The following WDR25 variants were observed in gnomAD, a reference collection of about 807,000 sequenced individuals.
WDR25 encodes the protein WD repeat domain 25, also known as WD repeat-containing protein 25.
WDR25 carries 35 observed loss-of-function variants against 47.7 expected under a neutral mutation model. The observed-to-expected ratio is 0.73, with a 90% CI of 0.56 to 0.97. WDR25 has a LOEUF of 0.97. Ranked by LOEUF, WDR25 falls within the 50% of genes least tolerant of loss-of-function variation. The pLI is 0.00. For missense variants in WDR25, 634 were observed against 704.7 expected, an observed-to-expected ratio of 0.90 and a Z score of 1.14; for synonymous variants, 248 against 278.9, an observed-to-expected ratio of 0.89 and a Z score of 1.10.
chr14:100,458,551 C>T (rs184221691), intron 2 of WDR25, among the ~76,000 whole-genome samples: 1 of 152,212 alleles, frequency 6.6e-6, no homozygotes, highest in East Asian at 1.9e-4. Flanking sequence ...AACACTGTCA[C>T]CCAATTTGGC....
At chr14:100,422,273 A>G (rs1411956442) in intron 2 of WDR25, among the ~76,000 whole-genome samples, 1 of 152,156 alleles carries the variant, frequency 6.6e-6, no homozygotes, top group Non-Finnish European at 1.5e-5. Context: ...CTGGAGTATT[A>G]CATGTGGCCT....
At chr14:100,527,603 TTG>T (rs565238911) in intron 5 of WDR25, among the ~76,000 whole-genome samples, 130 of 152,326 alleles carry the variant, frequency 8.5e-4, no homozygotes, top group African/African-American at 3.1e-3. Context: ...GGACAGGCCC[TTG>T]TGGGGAGCTG....
chr14:100,492,246 C>T (rs1030605127), intron 4 of WDR25, among the ~76,000 whole-genome samples: 2 of 152,218 alleles, frequency 1.3e-5, no homozygotes, highest in African/African-American at 4.8e-5. Context: ...TGTGTGTTCC[C>T]TGGGTTGTCT....
At chr14:100,442,670 A>G (rs919922975) in intron 2 of WDR25, among the ~76,000 whole-genome samples, 3 of 152,186 alleles carry the variant, frequency 2.0e-5, no homozygotes, top group Non-Finnish European at 2.9e-5. Flanking sequence ...TAATAAAAGT[A>G]TGCAGTTTGT....
In WDR25 at chr14:100,483,929, GTT is replaced by G. The variant is rs1461208264; in HGVS notation, c.971-62_971-61del. 7 of 1,538,156 alleles carry G rather than the reference GTT, an allele frequency of 4.6e-6. No individual in the cohort carries two copies. The African/African-American group carries it at 8.3e-5, about 18-fold the overall frequency. Reference sequence around the variant, plus strand: ...GAGCCCCATACCAGATGGCATCTTAGTTTTAAGATATTTGTTTTGTGACCTAA... The same window carrying G: ...GAGCCCCATACCAGATGGCATCTTAGTTAAGATATTTGTTTTGTGACCTAA... On this transcript the variant is annotated intron_variant, in intron 3 of 6. Coordinates refer to ENST00000402312, the MANE Select transcript of WDR25 (RefSeq NM_001161476.3).
chr14:100,447,626 G>A (rs973719866), intron 2 of WDR25, among the ~76,000 whole-genome samples: 1 of 152,318 alleles, frequency 6.6e-6, no homozygotes, highest in South Asian at 2.1e-4. Flanking sequence ...GACATGGTGA[G>A]GTGGGTGGTA....
chr14:100,467,698 C>G (rs1242517818), intron 2 of WDR25, among the ~76,000 whole-genome samples: 3 of 152,004 alleles, frequency 2.0e-5, no homozygotes, highest in African/African-American at 4.8e-5. Flanking sequence ...GTTGCCTGGG[C>G]TGGTCTTGAA....
intron 2 of WDR25, among the ~76,000 whole-genome samples, chr14:100,412,333 T>C (rs541570619): frequency 1.3e-5 from 2 of 152,078 alleles, no homozygotes; most frequent in Non-Finnish European, 2.9e-5. Context: ...CTGAGGGCAG[T>C]GCTCGGTATT....
rs775907535 is a variant in WDR25 at position 100,529,883 on chromosome 14, G to A, written c.1477G>A (p.Ala493Thr). Residue 493 changes from alanine (A) to threonine (T), a missense_variant, in exon 7 of 7, where the codon GCC becomes ACC. Physicochemically the swap from Ala to Thr is moderately conservative, Grantham distance 58. Coordinates refer to ENST00000402312, the MANE Select transcript of WDR25 (RefSeq NM_001161476.3). The surrounding 1 kb of genome is among the most constrained non-coding windows in gnomAD (Gnocchi z 5.1). ...CGGTGACTTGCTGGTGACGGGCAGC[G>A]CCGATGGCCGGGTCCTGATGTACAG... ...PGGDLLVTGS[A>T]DGRVLMYSFR... The A allele has an allele frequency of 1.6e-5, 26 of 1,613,138 alleles. No individual in the cohort carries two copies. The highest frequency in any genetic ancestry group is 3.3e-4 in the Middle Eastern group (2 of 6,052).
chr14:100,401,586 G>C (rs796198663), intron 2 of WDR25, among the ~76,000 whole-genome samples: 4 of 152,342 alleles, frequency 2.6e-5, no homozygotes, highest in African/African-American at 9.6e-5. Flanking sequence ...CCAGTGCTTT[G>C]TACCAGCAGG....
rs1897572995 is a variant in WDR25, at chr14:100,407,425, G to T, written c.822+25679G>T. The T allele has an allele frequency of 6.6e-6, 1 of 152,270 alleles. No individual in the cohort carries two copies. The allele number at this position is 152,270 out of a possible 1,614,324, so 9.4% of individuals were successfully genotyped here. On this transcript the variant is annotated intron_variant, in intron 2 of 6. Transcript: ENST00000402312. The surrounding 1 kb of genome is among the most constrained non-coding windows in gnomAD (Gnocchi z 4.1). The stretch of plus-strand genomic sequence containing the variant: ...GAGATGGGGACTAGAAAGTCGGTCT[G>T]GCTGAAGCTAAGTGAGGCCAGCCTT...
At chr14:100,469,770 C>T (rs1329178072) in intron 3 of WDR25, among the ~76,000 whole-genome samples, 1 of 152,134 alleles carries the variant, frequency 6.6e-6, no homozygotes, top group Non-Finnish European at 1.5e-5. Context: ...CCCCACTCAC[C>T]CTTTGAGACA....
Position 100,487,940 on chromosome 14 carries a change from C to T in WDR25, c.1101+3816C>T, listed in dbSNP as rs947138180. ...AGGGGAGTGAGGCCAGACAACCTCT[C>T]CCTGGGATCTTAGGGCACAGTGAGT... On this transcript the variant is annotated intron_variant, in intron 4 of 6. Transcript: ENST00000402312. Among the ~76,000 whole-genome samples, 11 of 152,170 alleles carry T rather than the reference C, an allele frequency of 7.2e-5. 1 individual carries two copies. Among genetic ancestry groups the T allele is most frequent in the African/African-American group, 2.7e-4 (11 of 41,440 alleles).
chr14:100,420,536 C>A (rs1897997097), intron 2 of WDR25, among the ~76,000 whole-genome samples: 2 of 152,136 alleles, frequency 1.3e-5, no homozygotes, highest in African/African-American at 4.8e-5. Flanking sequence ...TCTTTATGTA[C>A]ATAATATTTA....
At position 100,381,753 on chromosome 14, in the gene WDR25, C is replaced by A; in HGVS notation, c.822+7C>A. ...TATGGATAAAACTTTCAAGGTAAGA[C>A]TTGAATGAAAACTTCTGCTTTCAGA... On this transcript the variant is annotated splice_region_variant and intron_variant, in intron 2 of 6. Coordinates refer to ENST00000402312, the MANE Select transcript of WDR25 (RefSeq NM_001161476.3). 6.3e-7 allele frequency: 1 copy of A among 1,579,652 alleles called. No homozygotes were observed. The highest frequency in any genetic ancestry group is 2.2e-5 in the East Asian group (1 of 44,588).
At chr14:100,390,436 C>T (rs1312906265) in intron 2 of WDR25, among the ~76,000 whole-genome samples, 4 of 134,086 alleles carry the variant, frequency 3.0e-5, no homozygotes, top group Non-Finnish European at 5.1e-5. Context: ...TGCATGCACA[C>T]GCCCTTGTGT....
At chr14:100,409,873 G>A (rs896741955) in intron 2 of WDR25, among the ~76,000 whole-genome samples, 4 of 152,200 alleles carry the variant, frequency 2.6e-5, no homozygotes, top group Admixed American at 1.3e-4. Context: ...ATGCAGAAGA[G>A]TAATTTGCTT....
intron 4 of WDR25, among the ~76,000 whole-genome samples, chr14:100,486,566 T>C (rs1048933635): frequency 6.6e-6 from 1 of 152,194 alleles, no homozygotes; most frequent in Non-Finnish European, 1.5e-5. Context: ...GTGTTGCCCA[T>C]GTGTCTCAAA....
chr14:100,376,720 T>C, intron 1 of WDR25: 1 of 1,230,564 alleles, frequency 8.1e-7, no homozygotes, highest in Non-Finnish European at 1.0e-6. Context: ...ATCTTGTTTG[T>C]TGCTTTCATC....
Sources: gnomAD v4.1 joint callset for allele counts (sites outside exome capture counted in the v4.1 genomes callset) on GRCh38, gnomAD v4.1.1 for gene constraint, Gnocchi (gnomAD v3.1) non-coding constraint, MANE v1.5 for transcripts, NCBI Gene and HGNC (gene_info 2026-07-23, HGNC 2026-07-21) for gene names.